UROC1: variants seen among roughly 807,000 people sequenced by gnomAD.
UROC1 encodes urocanate hydratase 1, also known as urocanate hydratase.
Under a neutral mutation model 89.5 loss-of-function variants are expected in UROC1, and 79 were observed. The observed-to-expected ratio is 0.88, with a 90% CI of 0.74 to 1.06. The LOEUF is 1.06. Ranked by LOEUF, UROC1 falls within the 50% of genes least tolerant of loss-of-function variation. The probability of loss-of-function intolerance (pLI) is 0.00; values close to 1 mark genes in which losing one functional copy is unlikely to be tolerated. For missense variants in UROC1, 885 were observed against 907.8 expected, an observed-to-expected ratio of 0.97 and a Z score of 0.32; for synonymous variants, 361 against 354.8, an observed-to-expected ratio of 1.02 and a Z score of -0.20.
At chr3:126,499,188 C>T (rs1935850674) in intron 13 of UROC1, 149 bp downstream of exon 13, 2 of 847,530 alleles carry the variant, frequency 2.4e-6, no homozygotes. Flanking sequence ...AGAGCCTGGC[C>T]ACTTTGGGGC....
At chr3:126,499,487 C>A (rs2107542044) in intron 12 of UROC1, 78 bp from the exon 13 acceptor site, 1 of 1,391,864 alleles carries the variant, frequency 7.2e-7, no homozygotes, top group South Asian at 1.2e-5. Context: ...AAACACAGGG[C>A]CCAGAGGGAG....
intron 1 of UROC1, among the ~76,000 whole-genome samples, chr3:126,516,930 C>G (rs1936342442): frequency 6.6e-6 from 1 of 151,758 alleles, no homozygotes; most frequent in Non-Finnish European, 1.5e-5. Context: ...TGAGTAGTTT[C>G]CAGTAAAAAG....
intron 13 of UROC1, among the ~76,000 whole-genome samples, chr3:126,498,597 C>T (rs1359229227): frequency 6.6e-6 from 1 of 151,996 alleles, no homozygotes; most frequent in Non-Finnish European, 1.5e-5. Context: ...GGGAGGATGC[C>T]GTGGCCTGGG....
chr3:126,490,558 G>T (rs1287586279), intron 16 of UROC1, among the ~76,000 whole-genome samples: 1 of 152,132 alleles, frequency 6.6e-6, no homozygotes, highest in Non-Finnish European at 1.5e-5. Flanking sequence ...TGTGGTGCAC[G>T]CCTGTAATCA....
intron 16 of UROC1, among the ~76,000 whole-genome samples, chr3:126,490,784 T>C (rs1226181674): frequency 6.6e-6 from 1 of 152,100 alleles, no homozygotes; most frequent in East Asian, 1.9e-4. Context: ...CGTCGGACAC[T>C]GCACAGGGAG....
rs1371496679 is a variant in UROC1 at position 126,498,278 on chromosome 3, G to A, written c.1317-106C>T. The A allele has an allele frequency of 7.6e-6, 12 of 1,589,154 alleles. 1 individual carries two copies. Among genetic ancestry groups the A allele is most frequent in the Admixed American group, 5.0e-5 (3 of 59,808 alleles). On this transcript the variant is annotated intron_variant, in intron 13 of 19. Coordinates refer to ENST00000290868, the MANE Select transcript of UROC1 (RefSeq NM_144639.3). Reference sequence around the variant, plus strand: ...AGGGCTCAGCATCCAGAAGTCAGGTGTGGAACCCCCTAAGCTGTCATTGGA... The same window carrying A: ...AGGGCTCAGCATCCAGAAGTCAGGTATGGAACCCCCTAAGCTGTCATTGGA...
intron 1 of UROC1, among the ~76,000 whole-genome samples, chr3:126,512,411 A>C (rs1382038254): frequency 6.6e-6 from 1 of 152,232 alleles, no homozygotes; most frequent in African/African-American, 2.4e-5. Flanking sequence ...CGCTCCCAGG[A>C]TTTTTATATG....
chr3:126,511,275 A>ATT (rs1936191066), intron 1 of UROC1, among the ~76,000 whole-genome samples: 1 of 152,212 alleles, frequency 6.6e-6, no homozygotes, highest in Non-Finnish European at 1.5e-5. Context: ...AGCCATAGGA[A>ATT]GCAATTCCTA....
chr3:126,488,840 C>T (rs139266099), intron 17 of UROC1, among the ~76,000 whole-genome samples: 502 of 152,296 alleles, frequency 3.3e-3, no homozygotes, highest in African/African-American at 0.011. Flanking sequence ...GGGTAGACAG[C>T]GGTAAAGGCG....
chr3:126,500,993 G>A lies in UROC1; in HGVS notation c.966-119C>T, dbSNP rs569189251. The A allele has an allele frequency of 1.0e-4, 142 of 1,425,852 alleles. 1 individual carries two copies. Among genetic ancestry groups the A allele is most frequent in the African/African-American group, 3.1e-4 (22 of 70,802 alleles). The allele number at this position is 1,425,852 out of a possible 1,614,324, so 88.3% of individuals were successfully genotyped here. On this transcript the variant is annotated intron_variant, in intron 10 of 19. Transcript: ENST00000290868. ...CCCACAAATCCAGCAGGCACAGCCC[G>A]AGCCAGACCCTGCTTTCCCCCTGGA...
At chr3:126,503,959 G>T (rs1560124263) in intron 9 of UROC1, 36 bp downstream of exon 9, 1 of 1,610,506 alleles carries the variant, frequency 6.2e-7, no homozygotes, top group Non-Finnish European at 8.5e-7. Context: ...CCACGTGTCA[G>T]GTGTCAGGTG....
intron 18 of UROC1, among the ~76,000 whole-genome samples, chr3:126,484,901 G>A (rs1935477573): frequency 6.6e-6 from 1 of 152,226 alleles, no homozygotes; most frequent in African/African-American, 2.4e-5. Context: ...AGCTAGAGAG[G>A]CCTCTTGGAG....
At chr3:126,484,742 C>G (rs1576708259) in intron 18 of UROC1, among the ~76,000 whole-genome samples, 1 of 152,346 alleles carries the variant, frequency 6.6e-6, no homozygotes, top group Non-Finnish European at 1.5e-5. Flanking sequence ...ATCCCTGCAC[C>G]TGGGCAGTCC....
chr3:126,497,403 T>C (rs1165680587), intron 14 of UROC1, among the ~76,000 whole-genome samples: 1 of 152,142 alleles, frequency 6.6e-6, no homozygotes, highest in Non-Finnish European at 1.5e-5. Flanking sequence ...AGGCAGGCCA[T>C]GTAGACATGG....
At chr3:126,492,374 G>A (rs370371568) in intron 16 of UROC1, 44 bp downstream of exon 16, 3 of 1,571,860 alleles carry the variant, frequency 1.9e-6, no homozygotes, top group Non-Finnish European at 2.6e-6. Flanking sequence ...AAGGCAGTGG[G>A]AAGAGGCTGA....
chr3:126,497,934 G>C, intron 14 of UROC1, 117 bp downstream of exon 14: 1 of 1,575,988 alleles, frequency 6.3e-7, no homozygotes, highest in Non-Finnish European at 8.6e-7. Flanking sequence ...AAAGTCATCT[G>C]CGCCCAGGTT....
intron 18 of UROC1, among the ~76,000 whole-genome samples, chr3:126,483,812 T>C (rs1443203796): frequency 1.3e-5 from 2 of 152,250 alleles, no homozygotes; most frequent in Non-Finnish European, 2.9e-5. Flanking sequence ...AGTGCTGCCC[T>C]ATAAAGCACA....
chr3:126,499,317 G>C lies in UROC1; in HGVS notation c.1316+20C>G, dbSNP rs1322472485. On this transcript the variant is annotated intron_variant, in intron 13 of 19. Transcript: ENST00000290868. The stretch of plus-strand genomic sequence containing the variant: ...GGGTGGCACTGGGCACACTAGATGT[G>C]GCAGCCGCCCATCACTCACCCCATG... 8 of 1,609,116 alleles carry C rather than the reference G, an allele frequency of 5.0e-6. No homozygotes were observed. Among genetic ancestry groups the C allele is most frequent in the Non-Finnish European group, 5.9e-6 (7 of 1,178,770 alleles).
chr3:126,497,538 T>TG (rs1321118320), intron 14 of UROC1, among the ~76,000 whole-genome samples: 1 of 152,146 alleles, frequency 6.6e-6, no homozygotes, highest in Non-Finnish European at 1.5e-5. Context: ...CGGGAGCATG[T>TG]GGAGACAGCT....
Sources: allele counts gnomAD v4.1 joint callset (sites outside exome capture counted in the v4.1 genomes callset), GRCh38; gene constraint gnomAD v4.1.1; transcripts MANE v1.5; gene names NCBI Gene and HGNC (gene_info 2026-07-23, HGNC 2026-07-21).